Variants in MSRA observed in about 807,000 individuals in gnomAD.
MSRA encodes the protein mitochondrial peptide methionine sulfoxide reductase.
A neutral mutation model predicts 31.3 loss-of-function variants in MSRA; 54 were observed. The ratio of observed to expected loss-of-function variants is 1.73; its 90% CI spans 1.39 to 2.17. The LOEUF is 2.17. Ranked by LOEUF, MSRA falls within the 30% of genes most tolerant of loss-of-function variation. The probability of loss-of-function intolerance (pLI) is 0.00; values close to 1 mark genes in which losing one functional copy is unlikely to be tolerated. For synonymous variants in MSRA, 169 were observed against 116.5 expected, an observed-to-expected ratio of 1.45 and a Z score of -2.90; for missense variants, 507 against 300.9, an observed-to-expected ratio of 1.69 and a Z score of -5.07.
intron 2 of MSRA, among the ~76,000 whole-genome samples, chr8:10,230,589 T>C (rs1464601191): frequency 6.6e-6 from 1 of 152,270 alleles, no homozygotes; most frequent in East Asian, 1.9e-4. Flanking sequence ...TATTGTATTT[T>C]CTTCCAGACT....
intron 3 of MSRA, among the ~76,000 whole-genome samples, chr8:10,257,458 G>A (rs1173418194): frequency 6.6e-6 from 1 of 152,158 alleles, no homozygotes; most frequent in Non-Finnish European, 1.5e-5. Flanking sequence ...CCAGGCTGGA[G>A]TGCAATGGCG....
At chr8:10,400,434 G>T (rs1807388294) in intron 5 of MSRA, among the ~76,000 whole-genome samples, 1 of 151,842 alleles carries the variant, frequency 6.6e-6, no homozygotes, top group Non-Finnish European at 1.5e-5. Flanking sequence ...GAGAGCTGGG[G>T]CTGGGGATAT....
At chr8:10,137,971 A>G (rs765753234) in intron 1 of MSRA, among the ~76,000 whole-genome samples, 1 of 152,208 alleles carries the variant, frequency 6.6e-6, no homozygotes, top group African/African-American at 2.4e-5. Flanking sequence ...GATCAGGGAG[A>G]TTAGTACCAT....
chr8:10,303,912 C>T, intron 4 of MSRA, among the ~76,000 whole-genome samples: 1 of 152,210 alleles, frequency 6.6e-6, no homozygotes, highest in Admixed American at 6.5e-5. Context: ...TGCCAGGTGC[C>T]CTTTTATTTT....
chr8:10,127,495 C>T (rs940862236), intron 1 of MSRA, among the ~76,000 whole-genome samples: 1 of 152,126 alleles, frequency 6.6e-6, no homozygotes, highest in Non-Finnish European at 1.5e-5. Context: ...TTATTGAATT[C>T]AGTTCAGAGA....
chr8:10,108,393 C>G (rs972779923), intron 1 of MSRA, among the ~76,000 whole-genome samples: 26 of 152,184 alleles, frequency 1.7e-4, no homozygotes, highest in African/African-American at 6.3e-4. Context: ...AGGAGTGACT[C>G]CCACTGACTT....
chr8:10,224,397 A>G (rs1449911560), intron 2 of MSRA, among the ~76,000 whole-genome samples: 1 of 152,054 alleles, frequency 6.6e-6, no homozygotes, highest in Non-Finnish European at 1.5e-5. Context: ...CAGCCCACAC[A>G]CCTCTTCATA....
chr8:10,193,826 T>C (rs377347180), intron 1 of MSRA, among the ~76,000 whole-genome samples: 1 of 152,090 alleles, frequency 6.6e-6, no homozygotes, highest in Non-Finnish European at 1.5e-5. Flanking sequence ...TAGAAGAAAA[T>C]GTTAGAGTAG....
Position 10,295,650 on chromosome 8 carries a change from A to G in MSRA, c.332-5884A>G, listed in dbSNP as rs182644935. On this transcript the variant is annotated intron_variant, in intron 3 of 5. Transcript: ENST00000317173. ...AACTTGGGGTGTCATTCTCAACTCC[A>G]GTCTGAGTTGCCATCATGTTCCATG... Among the ~76,000 whole-genome samples the G allele has an allele frequency of 4.0e-3, 611 of 152,316 alleles. 1 individual carries two copies. The highest frequency in any genetic ancestry group is 7.6e-3 in the Admixed American group (117 of 15,302).
At chr8:10,273,866 AG>A (rs1799174857) in intron 3 of MSRA, among the ~76,000 whole-genome samples, 1 of 152,136 alleles carries the variant, frequency 6.6e-6, no homozygotes. Flanking sequence ...TCGAGCCAAC[AG>A]TGGGATTTGG....
intron 1 of MSRA, among the ~76,000 whole-genome samples, chr8:10,078,828 A>G (rs1798131239): frequency 6.6e-6 from 1 of 152,200 alleles, no homozygotes; most frequent in East Asian, 1.9e-4. Context: ...AGGCAGTCCA[A>G]GTTGGAATAT....
chr8:10,164,955 G>A (rs1161756907), intron 1 of MSRA, among the ~76,000 whole-genome samples: 1 of 152,182 alleles, frequency 6.6e-6, no homozygotes, highest in Non-Finnish European at 1.5e-5. Context: ...TTGAACCTGG[G>A]AGGTGGAGGT....
At chr8:10,229,599 G>C (rs761436474) in intron 2 of MSRA, among the ~76,000 whole-genome samples, 1 of 152,132 alleles carries the variant, frequency 6.6e-6, no homozygotes, top group Non-Finnish European at 1.5e-5. Flanking sequence ...GTGCAGGCAG[G>C]GAGCCTAAGA....
At position 10,257,012 on chromosome 8, in the gene MSRA, T is replaced by A. The variant is rs139197320; in HGVS notation, c.331+11789T>A. Among the ~76,000 whole-genome samples, 785 of 152,324 alleles carry A rather than the reference T, an allele frequency of 5.2e-3. 12 individuals are homozygous for A. The highest frequency in any genetic ancestry group is 0.02 in the Middle Eastern group (6 of 294). The stretch of plus-strand genomic sequence containing the variant: ...CTCAGTGAAAAATGTTAAAATATTT[T>A]AAAAATATATTGTACCCAGCATTTT... On this transcript the variant is annotated intron_variant, in intron 3 of 5. Coordinates refer to ENST00000317173, the MANE Select transcript of MSRA (RefSeq NM_012331.5).
intron 5 of MSRA, among the ~76,000 whole-genome samples, chr8:10,378,972 C>G (rs1475707430): frequency 6.6e-6 from 1 of 152,260 alleles, no homozygotes; most frequent in Non-Finnish European, 1.5e-5. Flanking sequence ...GCTGTCATCT[C>G]TCTTCCAGCC....
At position 10,093,067 on chromosome 8, in the gene MSRA, A is replaced by G. The variant is rs542656529; in HGVS notation, c.142+38409A>G. Among the ~76,000 whole-genome samples the G allele has an allele frequency of 5.9e-5, 9 of 152,148 alleles. No homozygotes were observed. The South Asian group carries it at 1.9e-3, about 32-fold the overall frequency. On this transcript the variant is annotated intron_variant, in intron 1 of 5. Transcript: ENST00000317173. ...ACATAGTTTTACTTTGAACCTTTTTATGTCTTTGAGTATAAAGTGTGTCTT... is the reference window on the plus strand; with the variant it reads ...ACATAGTTTTACTTTGAACCTTTTTGTGTCTTTGAGTATAAAGTGTGTCTT...
Position 10,092,440 on chromosome 8 carries a change from C to T in MSRA, c.142+37782C>T, listed in dbSNP as rs926618812. On this transcript the variant is annotated intron_variant, in intron 1 of 5. Transcript: ENST00000317173. Reference sequence around the variant, plus strand: ...TTGGGAGGCCGAGGTGGGCAGATCACGAGGTCAAGAGATCGAGACCATCCT... The same window carrying T: ...TTGGGAGGCCGAGGTGGGCAGATCATGAGGTCAAGAGATCGAGACCATCCT... Among the ~76,000 whole-genome samples, 19 of 152,174 alleles carry T rather than the reference C, an allele frequency of 1.2e-4. No homozygotes were observed. The South Asian group carries it at 1.2e-3, about 10-fold the overall frequency.
chr8:10,270,290 C>T (rs903027738), intron 3 of MSRA, among the ~76,000 whole-genome samples: 2 of 151,826 alleles, frequency 1.3e-5, no homozygotes, highest in South Asian at 2.1e-4. Flanking sequence ...CAAGTTAATG[C>T]ACAGAGCCAC....
chr8:10,373,723 G>A lies in MSRA; in HGVS notation c.543+53734G>A, dbSNP rs1585615935. Among the ~76,000 whole-genome samples the A allele has an allele frequency of 2.0e-5, 3 of 152,350 alleles. No individual in the cohort carries two copies. The South Asian group carries it at 6.2e-4, about 32-fold the overall frequency. On this transcript the variant is annotated intron_variant, in intron 5 of 5. Coordinates refer to ENST00000317173, the MANE Select transcript of MSRA (RefSeq NM_012331.5). ...GGCAACACCAGGAGTGAGGGCACGT[G>A]CCGGGGGGCTGGGGAGATCAAGTGG...
Sources: allele counts gnomAD v4.1 joint callset (sites outside exome capture counted in the v4.1 genomes callset), GRCh38; gene constraint gnomAD v4.1.1; transcripts MANE v1.5; gene names NCBI Gene and HGNC (gene_info 2026-07-23, HGNC 2026-07-21).